The following RNGTT variants were observed in gnomAD, a reference collection of about 807,000 sequenced individuals.
RNGTT encodes the protein RNA guanylyltransferase and 5'-phosphatase.
In RNGTT, 33 loss-of-function variants were observed where a neutral mutation model predicts 79.3. The ratio of observed to expected loss-of-function variants is 0.42; its 90% CI spans 0.32 to 0.56. The LOEUF (loss-of-function observed/expected upper bound fraction) is 0.56. Among genes scored for constraint, RNGTT ranks in the 20% least tolerant of loss-of-function variants. The pLI is 0.17. For missense variants in RNGTT, 497 were observed against 739.1 expected, an observed-to-expected ratio of 0.67 and a Z score of 3.80; for synonymous variants, 222 against 235.9, an observed-to-expected ratio of 0.94 and a Z score of 0.54.
At chr6:88,956,951 T>C (rs989022433) in intron 1 of RNGTT, among the ~76,000 whole-genome samples, 1 of 152,146 alleles carries the variant, frequency 6.6e-6, no homozygotes, top group Non-Finnish European at 1.5e-5. Context: ...GAGAATCACT[T>C]GAACCCGGGA....
chr6:88,957,520 G>C (rs189488634), intron 1 of RNGTT, among the ~76,000 whole-genome samples: 129 of 152,278 alleles, frequency 8.5e-4, no homozygotes, highest in African/African-American at 2.9e-3. Context: ...ATTCTTTAAA[G>C]TTTCAGGATA....
intron 14 of RNGTT, among the ~76,000 whole-genome samples, chr6:88,638,063 T>G (rs1479191320): frequency 6.6e-6 from 1 of 152,216 alleles, no homozygotes; most frequent in African/African-American, 2.4e-5. Context: ...ATAGATTCAT[T>G]AGAAAATTTC....
chr6:88,826,185 C>A (rs985672871), intron 11 of RNGTT, among the ~76,000 whole-genome samples: 6 of 152,138 alleles, frequency 3.9e-5, no homozygotes, highest in Non-Finnish European at 7.3e-5. Context: ...TGGTTTACAA[C>A]CGATAGCATC....
rs1490216338 is a variant in RNGTT at position 88,895,236 on chromosome 6, T to TGTGC, written c.685-3322_685-3321insGCAC. 3.9e-5 allele frequency among the ~76,000 whole-genome samples: 4 copies of TGTGC among 103,210 alleles called. No homozygotes were observed. The East Asian group carries it at 6.6e-4, about 17-fold the overall frequency. The allele number at this position is 103,210 out of a possible 152,430, so 67.7% of individuals were successfully genotyped here. A position where few individuals can be genotyped will look rare whatever the true frequency, so the allele number is the denominator to read the frequency against. On this transcript the variant is annotated intron_variant, in intron 6 of 15. Coordinates refer to ENST00000369485, the MANE Select transcript of RNGTT (RefSeq NM_003800.5). ...TTTATGTGAGAGAGAGCTCTGTGTG[T>TGTGC]GTGTGTGTGTGTGTGTGTGTGTGTG... is the stretch of plus-strand genomic sequence containing the variant.
At chr6:88,802,228 GTTT>G (rs1172724279) in intron 11 of RNGTT, among the ~76,000 whole-genome samples, 1 of 152,064 alleles carries the variant, frequency 6.6e-6, no homozygotes, top group African/African-American at 2.4e-5. Flanking sequence ...AATACATTGT[GTTT>G]TCCAAGAACC....
At chr6:88,736,761 T>C (rs910157440) in intron 13 of RNGTT, among the ~76,000 whole-genome samples, 6 of 152,194 alleles carry the variant, frequency 3.9e-5, no homozygotes, top group African/African-American at 1.4e-4. Flanking sequence ...ACTGCCAGTG[T>C]GAACTGTAAA....
intron 13 of RNGTT, among the ~76,000 whole-genome samples, chr6:88,748,221 C>T (rs181139817): frequency 5.9e-5 from 9 of 151,794 alleles, no homozygotes; most frequent in Admixed American, 1.3e-4. Flanking sequence ...TGAAACCCAG[C>T]AATGCCTCCT....
intron 12 of RNGTT, among the ~76,000 whole-genome samples, chr6:88,800,307 T>C (rs2127862044): frequency 1.3e-5 from 2 of 152,334 alleles, no homozygotes; most frequent in South Asian, 4.1e-4. Flanking sequence ...AAATCCAAAA[T>C]GCTCCAACGA....
At chr6:88,671,435 T>G (rs1196909339) in intron 14 of RNGTT, among the ~76,000 whole-genome samples, 1 of 152,124 alleles carries the variant, frequency 6.6e-6, no homozygotes, top group Non-Finnish European at 1.5e-5. Context: ...TACAAAACAT[T>G]GCTGAAAGAA....
At chr6:88,901,219 TC>T (rs1783444638) in intron 6 of RNGTT, among the ~76,000 whole-genome samples, 1 of 151,122 alleles carries the variant, frequency 6.6e-6, no homozygotes, top group Admixed American at 6.6e-5. Flanking sequence ...AACAAATAGA[TC>T]TGAAACAATA....
At chr6:88,949,126 A>T (rs1582168140) in intron 1 of RNGTT, among the ~76,000 whole-genome samples, 1 of 144,164 alleles carries the variant, frequency 6.9e-6, no homozygotes, top group African/African-American at 2.5e-5. Context: ...TAAATTAAAA[A>T]AAATAAAAAT....
At chr6:88,838,209 G>T (rs541368735) in intron 11 of RNGTT, among the ~76,000 whole-genome samples, 14 of 152,084 alleles carry the variant, frequency 9.2e-5, no homozygotes, top group Non-Finnish European at 1.9e-4. Context: ...TGTGGAAGAA[G>T]ACAAGGCTGT....
At chr6:88,962,002 A>C (rs1160993739) in intron 1 of RNGTT, among the ~76,000 whole-genome samples, 1 of 152,234 alleles carries the variant, frequency 6.6e-6, no homozygotes, top group Non-Finnish European at 1.5e-5. Flanking sequence ...TACATGCATA[A>C]TCTGGATGAG....
At chr6:88,772,307 G>T (rs1778712793) in intron 12 of RNGTT, among the ~76,000 whole-genome samples, 1 of 151,688 alleles carries the variant, frequency 6.6e-6, no homozygotes, top group Non-Finnish European at 1.5e-5. Context: ...GACATCATAT[G>T]TTCATGGATA....
chr6:88,832,798 T>C (rs917177773), intron 11 of RNGTT, among the ~76,000 whole-genome samples: 2 of 152,194 alleles, frequency 1.3e-5, no homozygotes, highest in African/African-American at 2.4e-5. Flanking sequence ...AGAAGACATG[T>C]ATGCAGCCAA....
At chr6:88,708,235 T>G (rs1000089053) in intron 13 of RNGTT, among the ~76,000 whole-genome samples, 4 of 152,138 alleles carry the variant, frequency 2.6e-5, no homozygotes, top group African/African-American at 9.7e-5. Flanking sequence ...TCAAGGGCTC[T>G]CTTTTCCATG....
intron 11 of RNGTT, among the ~76,000 whole-genome samples, chr6:88,807,423 G>A (rs761877866): frequency 6.6e-6 from 1 of 151,968 alleles, no homozygotes; most frequent in African/African-American, 2.4e-5. Flanking sequence ...TAATCAGTGG[G>A]AATGATAATC....
rs543166957 is a variant in RNGTT, at chr6:88,803,257, T to A, written c.1270-1625A>T. On this transcript the variant is annotated intron_variant, in intron 11 of 15. Transcript: ENST00000369485. ...TAATTGCCAGAGGCTTGGGGGGTAGTCTTTAATGAGTTTCAGTTTTGAAAG... is the reference window on the plus strand; with the variant it reads ...TAATTGCCAGAGGCTTGGGGGGTAGACTTTAATGAGTTTCAGTTTTGAAAG... Among the ~76,000 whole-genome samples the A allele has an allele frequency of 5.3e-5, 8 of 152,222 alleles. No homozygotes were observed. The South Asian group carries it at 1.7e-3, about 32-fold the overall frequency.
chr6:88,820,459 T>C (rs1029981142), intron 11 of RNGTT, among the ~76,000 whole-genome samples: 3 of 152,158 alleles, frequency 2.0e-5, no homozygotes, highest in African/African-American at 7.2e-5. Context: ...AAGTAAAAGG[T>C]ATAAATATTG....
Sources: allele counts gnomAD v4.1 joint callset (sites outside exome capture counted in the v4.1 genomes callset), GRCh38; gene constraint gnomAD v4.1.1; transcripts MANE v1.5; gene names NCBI Gene and HGNC (gene_info 2026-07-23, HGNC 2026-07-21).